RBFOX1: variants seen among roughly 807,000 people sequenced by gnomAD.
RBFOX1 encodes RNA binding fox-1 homolog 1.
In RBFOX1, 8 loss-of-function variants were observed where a neutral mutation model predicts 57.7. That is an observed-to-expected ratio of 0.14 (90% confidence interval 0.08 to 0.25). RBFOX1 has a LOEUF of 0.25. Ranked by LOEUF, RBFOX1 falls within the 10% of genes least tolerant of loss-of-function variation. The pLI is 1.00. For synonymous variants in RBFOX1, 326 were observed against 222.4 expected (o/e 1.47, Z -4.15); for missense variants, 611 against 548.5 (o/e 1.11, Z -1.14).
intron 4 of RBFOX1, among the ~76,000 whole-genome samples, chr16:7,448,085 T>C (rs1320704686): frequency 6.6e-6 from 1 of 152,254 alleles, no homozygotes; most frequent in Non-Finnish European, 1.5e-5. Context: ...TGAAAGCTAC[T>C]CTTAAGATGC....
At chr16:7,640,135 A>C (rs1045749959) in intron 11 of RBFOX1, among the ~76,000 whole-genome samples, 4 of 152,118 alleles carry the variant, frequency 2.6e-5, no homozygotes, top group African/African-American at 7.2e-5. Flanking sequence ...TGTATTTTTA[A>C]TCCCTGCAAC....
intron 1 of RBFOX1, among the ~76,000 whole-genome samples, chr16:6,297,277 T>C (rs2078232683): frequency 6.6e-6 from 1 of 152,180 alleles, no homozygotes; most frequent in Non-Finnish European, 1.5e-5. Context: ...CTTAACTGTC[T>C]GGGAATGCAG....
intron 15 of RBFOX1, 55 bp from the exon 16 acceptor site, chr16:7,710,568 A>C (rs910055214): frequency 6.2e-7 from 1 of 1,607,170 alleles, no homozygotes; most frequent in African/African-American, 1.3e-5. Context: ...TTGATGATCC[A>C]CATGTTGCAA....
chr16:7,409,526 G>C (rs1434847646), intron 4 of RBFOX1, among the ~76,000 whole-genome samples: 1 of 152,312 alleles, frequency 6.6e-6, no homozygotes, highest in East Asian at 1.9e-4. Flanking sequence ...GTTGTTCCTG[G>C]TTTCGATTAT....
At chr16:5,810,947 C>A (rs2055402521) in intron 3 of RBFOX1, among the ~76,000 whole-genome samples, 1 of 152,064 alleles carries the variant, frequency 6.6e-6, no homozygotes, top group South Asian at 2.1e-4. Flanking sequence ...TTTGCATATA[C>A]TTGTGAAACC....
At chr16:6,728,326 C>G (rs192575176) in intron 3 of RBFOX1, among the ~76,000 whole-genome samples, 3 of 151,918 alleles carry the variant, frequency 2.0e-5, no homozygotes, top group African/African-American at 7.2e-5. Flanking sequence ...AAAAACGTAA[C>G]TTGAGCAAAT....
At chr16:5,306,923 A>T (rs1358701558) in intron 1 of RBFOX1, among the ~76,000 whole-genome samples, 1 of 152,226 alleles carries the variant, frequency 6.6e-6, no homozygotes, top group East Asian at 1.9e-4. Flanking sequence ...CATGTCTAGA[A>T]GCAGCAGCCA....
chr16:7,074,127 G>A (rs1389505006), intron 4 of RBFOX1, among the ~76,000 whole-genome samples: 2 of 152,162 alleles, frequency 1.3e-5, no homozygotes, highest in East Asian at 1.9e-4. Context: ...TTAAGGAAAT[G>A]TTTTGTCCAC....
intron 2 of RBFOX1, among the ~76,000 whole-genome samples, chr16:6,488,942 A>G (rs748996120): frequency 2.4e-4 from 36 of 152,180 alleles, no homozygotes; most frequent in African/African-American, 5.5e-4. Flanking sequence ...GTGTACTTCA[A>G]TTATTAAACA....
Position 7,490,361 on chromosome 16 carries a change from G to A in RBFOX1, c.28-27786G>A, listed in dbSNP as rs140969614. 7.2e-5 allele frequency among the ~76,000 whole-genome samples: 11 copies of A among 152,284 alleles called. No homozygotes were observed. The East Asian group carries it at 1.5e-3, about 21-fold the overall frequency. ...GCTCTATCAGGGCTCTATCCCTGGC[G>A]AGATTAGGTTTGCAGAATCTCTACT... On this transcript the variant is annotated intron_variant, in intron 4 of 15. Coordinates refer to ENST00000550418, the MANE Select transcript of RBFOX1 (RefSeq NM_018723.4).
intron 2 of RBFOX1, among the ~76,000 whole-genome samples, chr16:6,597,175 A>C (rs908919046): frequency 2.0e-5 from 3 of 152,218 alleles, no homozygotes; most frequent in African/African-American, 7.2e-5. Context: ...TTTATAAATT[A>C]CTAAGGACGA....
intron 1 of RBFOX1, among the ~76,000 whole-genome samples, chr16:5,342,102 C>G (rs976122593): frequency 1.3e-5 from 2 of 152,176 alleles, no homozygotes; most frequent in Non-Finnish European, 2.9e-5. Context: ...TGCGGCAGAT[C>G]GTACCTGTTG....
At chr16:5,657,719 T>G (rs1446573148) in intron 3 of RBFOX1, among the ~76,000 whole-genome samples, 1 of 129,060 alleles carries the variant, frequency 7.7e-6, no homozygotes, top group East Asian at 2.3e-4. Context: ...TCTCTCTTTC[T>G]TTTGTTTCTT....
chr16:7,244,498 T>G (rs892097480), intron 4 of RBFOX1, among the ~76,000 whole-genome samples: 2 of 152,164 alleles, frequency 1.3e-5, no homozygotes, highest in African/African-American at 2.4e-5. Context: ...TTTTCTTAAG[T>G]AAGATTGTAT....
At chr16:7,194,924 T>TA in intron 4 of RBFOX1, among the ~76,000 whole-genome samples, 1 of 40,090 alleles carries the variant, frequency 2.5e-5, no homozygotes. Context: ...TGAGACCCTG[T>TA]TTCACAAAAA....
At chr16:5,984,598 A>G (rs2060244834) in intron 4 of RBFOX1, among the ~76,000 whole-genome samples, 1 of 152,102 alleles carries the variant, frequency 6.6e-6, no homozygotes, top group African/African-American at 2.4e-5. Flanking sequence ...TTCTGGTATT[A>G]TCTTACCATG....
intron 13 of RBFOX1, among the ~76,000 whole-genome samples, chr16:7,673,934 T>C (rs2072443532): frequency 6.6e-6 from 1 of 152,178 alleles, no homozygotes; most frequent in Admixed American, 6.5e-5. Flanking sequence ...TGACAGCAAT[T>C]GAAAGTGAGT....
chr16:7,291,138 C>T (rs903804615), intron 4 of RBFOX1, among the ~76,000 whole-genome samples: 1 of 152,120 alleles, frequency 6.6e-6, no homozygotes, highest in African/African-American at 2.4e-5. Flanking sequence ...TGACCAGTAT[C>T]TGGACAGAGG....
chr16:7,176,617 A>C (rs373907782), intron 4 of RBFOX1, among the ~76,000 whole-genome samples: 8 of 152,324 alleles, frequency 5.3e-5, no homozygotes, highest in African/African-American at 1.2e-4. Context: ...TTAGTGACAG[A>C]AACTATATGG....
Sources: gnomAD v4.1 joint callset for allele counts (sites outside exome capture counted in the v4.1 genomes callset) on GRCh38, gnomAD v4.1.1 for gene constraint, MANE v1.5 for transcripts, NCBI Gene and HGNC (gene_info 2026-07-23, HGNC 2026-07-21) for gene names.